The following ZC2HC1A variants were observed in gnomAD, a reference collection of about 807,000 sequenced individuals.
The protein encoded by ZC2HC1A is zinc finger C2HC domain-containing protein 1A.
A neutral mutation model predicts 40.7 loss-of-function variants in ZC2HC1A; 28 were observed. That is an observed-to-expected ratio of 0.69 (90% CI 0.51 to 0.94). ZC2HC1A has a LOEUF of 0.94. Ranked by LOEUF, ZC2HC1A falls within the 40% of genes least tolerant of loss-of-function variation. The probability of loss-of-function intolerance (pLI) is 0.00; values close to 1 mark genes in which losing one functional copy is unlikely to be tolerated. For missense variants in ZC2HC1A, 389 were observed against 386.3 expected (o/e 1.01, Z -0.06); for synonymous variants, 129 against 129.2 (o/e 1.00, Z 0.01).
At chr8:78,714,737 C>T (rs1003744877) in intron 7 of ZC2HC1A, among the ~76,000 whole-genome samples, 2 of 152,140 alleles carry the variant, frequency 1.3e-5, no homozygotes, top group African/African-American at 4.8e-5. Context: ...TATATTAACT[C>T]ATTTATTTTA....
At chr8:78,705,884 G>T (rs2130581009) in intron 7 of ZC2HC1A, among the ~76,000 whole-genome samples, 1 of 152,166 alleles carries the variant, frequency 6.6e-6, no homozygotes, top group Middle Eastern at 3.4e-3. Context: ...CAGCTGTGTT[G>T]TGCTGGGTTA....
chr8:78,701,165 C>T (rs140780191), intron 7 of ZC2HC1A, among the ~76,000 whole-genome samples: 145 of 152,246 alleles, frequency 9.5e-4, no homozygotes, highest in South Asian at 6.2e-3. Flanking sequence ...TCTTTAATTT[C>T]TTTGAGCATT....
intron 5 of ZC2HC1A, among the ~76,000 whole-genome samples, chr8:78,692,986 G>C (rs1810262594): frequency 6.6e-6 from 1 of 151,892 alleles, no homozygotes; most frequent in Non-Finnish European, 1.5e-5. Flanking sequence ...GCGGTGTTTG[G>C]TTTTTTGTCC....
intron 3 of ZC2HC1A, among the ~76,000 whole-genome samples, 157 bp from the exon 4 acceptor site, chr8:78,686,310 G>A (rs1441350592): frequency 1.4e-4 from 22 of 152,024 alleles, no homozygotes; most frequent in Non-Finnish European, 1.5e-5. Flanking sequence ...GTTGCATAAA[G>A]TTTCTCTTTA....
intron 7 of ZC2HC1A, among the ~76,000 whole-genome samples, chr8:78,704,466 G>A (rs936967854): frequency 8.6e-5 from 13 of 151,382 alleles, no homozygotes; most frequent in Admixed American, 7.9e-4. Context: ...TGAGAGGTCT[G>A]CTGTTAGTCT....
At chr8:78,674,471 C>G (rs1212140807) in intron 1 of ZC2HC1A, among the ~76,000 whole-genome samples, 1 of 152,106 alleles carries the variant, frequency 6.6e-6, no homozygotes, top group Non-Finnish European at 1.5e-5. Context: ...CTAATGGTTT[C>G]CATTTAGTAA....
At chr8:78,689,475 C>T in intron 5 of ZC2HC1A, 102 bp downstream of exon 5, 4 of 1,111,874 alleles carry the variant, frequency 3.6e-6, no homozygotes, top group Non-Finnish European at 4.8e-6. Context: ...ATTTTTCTCA[C>T]CTGCTTTTAT....
At chr8:78,692,396 G>A (rs901834984) in intron 5 of ZC2HC1A, among the ~76,000 whole-genome samples, 2 of 152,108 alleles carry the variant, frequency 1.3e-5, no homozygotes, top group Admixed American at 1.3e-4. Flanking sequence ...TCTGCCACCT[G>A]TGGTCATTTG....
intron 5 of ZC2HC1A, among the ~76,000 whole-genome samples, chr8:78,691,862 G>A (rs915021114): frequency 1.3e-5 from 2 of 152,030 alleles, no homozygotes; most frequent in Admixed American, 6.6e-5. Flanking sequence ...CTCTTGATGT[G>A]TATTGTTATA....
At chr8:78,679,634 T>G (rs946224335) in intron 3 of ZC2HC1A, among the ~76,000 whole-genome samples, 2 of 152,190 alleles carry the variant, frequency 1.3e-5, no homozygotes, top group Non-Finnish European at 2.9e-5. Context: ...TTATTCAGCA[T>G]AGTTGAAAAG....
intron 2 of ZC2HC1A, among the ~76,000 whole-genome samples, chr8:78,677,192 A>G (rs1809608566): frequency 6.6e-6 from 1 of 152,144 alleles, no homozygotes; most frequent in Non-Finnish European, 1.5e-5. Context: ...AAAATACAAA[A>G]GAAAAAAGAG....
At chr8:78,684,942 A>C (rs959285503) in intron 3 of ZC2HC1A, among the ~76,000 whole-genome samples, 1 of 152,210 alleles carries the variant, frequency 6.6e-6, no homozygotes, top group South Asian at 2.1e-4. Flanking sequence ...CTTGTTTATA[A>C]ATGTGATTCT....
intron 3 of ZC2HC1A, among the ~76,000 whole-genome samples, chr8:78,681,654 A>C (rs949858642): frequency 4.6e-5 from 7 of 152,196 alleles, no homozygotes; most frequent in African/African-American, 1.7e-4. Flanking sequence ...AAAATTAAAA[A>C]TTAAAGGTAG....
intron 4 of ZC2HC1A, among the ~76,000 whole-genome samples, chr8:78,688,602 A>G (rs1373412945): frequency 6.6e-6 from 1 of 152,170 alleles, no homozygotes; most frequent in South Asian, 2.1e-4. Flanking sequence ...ATAATTTCAA[A>G]AGAAGTTTAA....
chr8:78,707,043 C>A (rs1461251499), intron 7 of ZC2HC1A, among the ~76,000 whole-genome samples: 1 of 152,010 alleles, frequency 6.6e-6, no homozygotes, highest in Non-Finnish European at 1.5e-5. Context: ...AGAAACTGAT[C>A]TGATTTATTT....
intron 7 of ZC2HC1A, among the ~76,000 whole-genome samples, chr8:78,710,900 A>C (rs1309432172): frequency 6.6e-6 from 1 of 152,132 alleles, no homozygotes; most frequent in African/African-American, 2.4e-5. Flanking sequence ...AGCTACTGAA[A>C]GAAGACAAAA....
chr8:78,698,661 G>A, intron 7 of ZC2HC1A, 148 bp downstream of exon 7: 1 of 474,374 alleles, frequency 2.1e-6, no homozygotes, highest in South Asian at 6.5e-5. Context: ...CACACTCACT[G>A]CTGTTGAGTA....
chr8:78,698,143 G>C (rs1010059451), intron 6 of ZC2HC1A, among the ~76,000 whole-genome samples: 1 of 152,050 alleles, frequency 6.6e-6, no homozygotes, highest in Non-Finnish European at 1.5e-5. Context: ...GCAATTGTTC[G>C]TAGTAGTCAA....
At chr8:78,673,205 G>T (rs1282178199) in intron 1 of ZC2HC1A, among the ~76,000 whole-genome samples, 3 of 152,194 alleles carry the variant, frequency 2.0e-5, no homozygotes, top group East Asian at 1.9e-4. Context: ...TGAGAAAGAT[G>T]GTTTCCAGCT....
Sources: gnomAD v4.1 joint callset for allele counts (sites outside exome capture counted in the v4.1 genomes callset) on GRCh38, gnomAD v4.1.1 for gene constraint, MANE v1.5 for transcripts, NCBI Gene and HGNC (gene_info 2026-07-23, HGNC 2026-07-21) for gene names.